ADCY8: variants seen among roughly 807,000 people sequenced by gnomAD.
ADCY8 encodes the protein adenylate cyclase type 8.
In ADCY8, 51 loss-of-function variants were observed where a neutral mutation model predicts 119.7. The ratio of observed to expected loss-of-function variants is 0.43; its 90% CI spans 0.34 to 0.54. The LOEUF (loss-of-function observed/expected upper bound fraction) is 0.54, where lower values mean the gene tolerates loss of function less well. ADCY8 is among the 20% of genes least tolerant of loss of function. ADCY8 has a pLI of 0.03. For synonymous variants in ADCY8, 665 were observed against 651.0 expected, an observed-to-expected ratio of 1.02 and a Z score of -0.33; for missense variants, 1,383 against 1,598.8, an observed-to-expected ratio of 0.87 and a Z score of 2.30.
intron 1 of ADCY8, among the ~76,000 whole-genome samples, chr8:131,010,531 AAG>A (rs897074270): frequency 4.6e-5 from 7 of 152,188 alleles, no homozygotes; most frequent in African/African-American, 9.7e-5. Flanking sequence ...AGAGAGAAAA[AAG>A]AGAGAGAGAA....
At position 130,849,604 on chromosome 8, in the gene ADCY8, T is replaced by C. The variant is rs1297090770; in HGVS notation, c.2410A>G (p.Ile804Val). 2 of 1,613,848 alleles carry C rather than the reference T, an allele frequency of 1.2e-6. No individual in the cohort carries two copies. The highest frequency in any genetic ancestry group is 1.7e-5 in the Admixed American group (1 of 60,012). ...LINFLGAILN[I>V]LWCDFDKSIP... Reference sequence around the variant, plus strand: ...GTTGGTGGATGTGGGATGCTTACGATATTTAAGATGGCACCCAGGAAATTA... The same window carrying C: ...GTTGGTGGATGTGGGATGCTTACGACATTTAAGATGGCACCCAGGAAATTA... Residue 804 changes from isoleucine to valine, a missense_variant and splice_region_variant, in exon 10 of 18, where the codon ATC becomes GTC. Physicochemically the swap from Ile to Val is conservative, Grantham distance 29. Around this residue, in one of 2 missense-constraint regions of ADCY8, gnomAD observed 928 missense variants for 1,163.5 expected, o/e 0.80. Coordinates refer to ENST00000286355, the MANE Select transcript of ADCY8 (RefSeq NM_001115.3).
At chr8:130,835,994 G>A (rs1412112174) in intron 12 of ADCY8, among the ~76,000 whole-genome samples, 1 of 152,078 alleles carries the variant, frequency 6.6e-6, no homozygotes, top group African/African-American at 2.4e-5. Flanking sequence ...AAGTGTTGAA[G>A]CCACTAAATT....
intron 2 of ADCY8, among the ~76,000 whole-genome samples, chr8:130,975,064 CA>C (rs1258675823): frequency 6.6e-6 from 1 of 152,150 alleles, no homozygotes; most frequent in African/African-American, 2.4e-5. Flanking sequence ...TTCGATCTAT[CA>C]AGAGAGAATT....
chr8:130,990,047 C>A (rs1478893114), intron 2 of ADCY8, among the ~76,000 whole-genome samples: 1 of 152,180 alleles, frequency 6.6e-6, no homozygotes. Flanking sequence ...TGAAATAACA[C>A]ATTTACAGTT....
intron 10 of ADCY8, among the ~76,000 whole-genome samples, chr8:130,848,680 A>G (rs1022042277): frequency 2.0e-5 from 3 of 152,280 alleles, no homozygotes; most frequent in South Asian, 2.1e-4. Context: ...CCACATGACA[A>G]TGCCTCAACT....
chr8:130,879,608 A>T (rs1429252298), intron 8 of ADCY8, among the ~76,000 whole-genome samples: 1 of 152,220 alleles, frequency 6.6e-6, no homozygotes, highest in Non-Finnish European at 1.5e-5. Flanking sequence ...TATCCTAAAA[A>T]TAAATAAGCA....
intron 14 of ADCY8, 44 bp from the exon 15 acceptor site, chr8:130,800,616 G>A (rs761055522): frequency 3.7e-6 from 6 of 1,609,662 alleles, no homozygotes; most frequent in Non-Finnish European, 5.1e-6. Context: ...GTCATCAGAG[G>A]TCGGTTCTGC....
chr8:130,925,197 C>T (rs1308677789), intron 5 of ADCY8, among the ~76,000 whole-genome samples: 2 of 152,038 alleles, frequency 1.3e-5, no homozygotes, highest in African/African-American at 2.4e-5. Context: ...CAGAGTGAGA[C>T]TCTGTCTCAA....
chr8:130,936,684 G>T (rs760829651), intron 5 of ADCY8, among the ~76,000 whole-genome samples: 19 of 152,102 alleles, frequency 1.2e-4, no homozygotes, highest in Non-Finnish European at 1.9e-4. Flanking sequence ...TTTTCCCCAA[G>T]CACTTGGATT....
At chr8:130,840,955 T>TA (rs1209828552) in intron 11 of ADCY8, among the ~76,000 whole-genome samples, 1 of 151,890 alleles carries the variant, frequency 6.6e-6, no homozygotes, top group Non-Finnish European at 1.5e-5. Context: ...TTTTTACCGT[T>TA]AAAAAAAATT....
At chr8:130,877,048 C>T (rs1003244835) in intron 8 of ADCY8, among the ~76,000 whole-genome samples, 17 of 152,208 alleles carry the variant, frequency 1.1e-4, no homozygotes, top group African/African-American at 3.4e-4. Flanking sequence ...CAATTAGTAC[C>T]TCCATAAAGG....
At chr8:131,035,372 A>G (rs938976091) in intron 1 of ADCY8, among the ~76,000 whole-genome samples, 1 of 152,170 alleles carries the variant, frequency 6.6e-6, no homozygotes, top group Non-Finnish European at 1.5e-5. Context: ...CATATGGGTG[A>G]TTATGTCTGC....
intron 8 of ADCY8, among the ~76,000 whole-genome samples, chr8:130,871,845 C>T (rs1266208407): frequency 6.6e-6 from 1 of 152,138 alleles, no homozygotes; most frequent in Admixed American, 6.5e-5. Context: ...GGGTAGAATT[C>T]TTAACTTTTC....
chr8:130,836,817 T>C (rs1451893775), intron 11 of ADCY8, among the ~76,000 whole-genome samples: 1 of 152,124 alleles, frequency 6.6e-6, no homozygotes, highest in Admixed American at 6.6e-5. Flanking sequence ...TACTGCAACC[T>C]CCTCCTCCCA....
chr8:130,926,778 C>T (rs1384560970), intron 5 of ADCY8, among the ~76,000 whole-genome samples: 1 of 152,114 alleles, frequency 6.6e-6, no homozygotes, highest in Admixed American at 6.6e-5. Context: ...ATCACCACCT[C>T]TACTTCTATG....
chr8:130,801,255 C>G (rs1363399753), intron 14 of ADCY8, among the ~76,000 whole-genome samples: 1 of 151,988 alleles, frequency 6.6e-6, no homozygotes, highest in East Asian at 1.9e-4. Context: ...CCACTTAACC[C>G]TCTACTCTAT....
intron 14 of ADCY8, among the ~76,000 whole-genome samples, chr8:130,805,265 C>G (rs894250250): frequency 2.6e-5 from 4 of 152,150 alleles, no homozygotes; most frequent in Non-Finnish European, 5.9e-5. Flanking sequence ...TATGGGGAAA[C>G]TGGGGGATAC....
intron 15 of ADCY8, among the ~76,000 whole-genome samples, chr8:130,793,090 C>T (rs1815473117): frequency 6.6e-6 from 1 of 152,138 alleles, no homozygotes. Flanking sequence ...AAGTCAGGTT[C>T]CATCACCTGA....
At chr8:130,901,364 C>T (rs1025212281) in intron 7 of ADCY8, among the ~76,000 whole-genome samples, 1 of 150,490 alleles carries the variant, frequency 6.6e-6, no homozygotes, top group Non-Finnish European at 1.5e-5. Flanking sequence ...CTACATAGCA[C>T]AGAATATGAC....
Sources: allele counts gnomAD v4.1 joint callset (sites outside exome capture counted in the v4.1 genomes callset), GRCh38; gene constraint gnomAD v4.1.1; regional missense constraint gnomAD v4.1.1; transcripts MANE v1.5; gene names NCBI Gene and HGNC (gene_info 2026-07-23, HGNC 2026-07-21).